Variants in DCAF8L2 observed in about 807,000 individuals in gnomAD.
The protein encoded by DCAF8L2 is DDB1- and CUL4-associated factor 8-like protein 2.
For missense variants in DCAF8L2, 430 were observed against 490.7 expected (o/e 0.88, Z 1.17); for synonymous variants, 200 against 190.9 (o/e 1.05, Z -0.39).
At chrX:27,496,222 A>G in the DCAF8L2 span, among the ~76,000 whole-genome samples, 1 of 112,121 alleles carries the variant, frequency 8.9e-6, no homozygotes, top group African/African-American at 3.2e-5. Flanking sequence ...GTTATTATAT[A>G]GAAATGCAAT....
At chrX:27,723,586 T>C (rs1043459492) in intron 4 of DCAF8L2, among the ~76,000 whole-genome samples, 1 of 111,572 alleles carries the variant, frequency 9.0e-6, no homozygotes, top group Non-Finnish European at 1.9e-5. Context: ...GTTGAGACTA[T>C]GGGAAAACAG....
chrX:27,606,211 T>C (rs1421736533), intron 1 of DCAF8L2, among the ~76,000 whole-genome samples: 1 of 85,677 alleles, frequency 1.2e-5, no homozygotes, highest in East Asian at 3.4e-4. Context: ...CTGTACATTG[T>C]TTTTAATTCC....
At chrX:27,544,802 T>C in the DCAF8L2 span, among the ~76,000 whole-genome samples, 5 of 111,348 alleles carry the variant, frequency 4.5e-5, no homozygotes, top group Non-Finnish European at 7.5e-5. Flanking sequence ...TGAAACTGAG[T>C]ATTTATTAGG....
the DCAF8L2 span, among the ~76,000 whole-genome samples, chrX:27,548,673 C>A: frequency 8.9e-6 from 1 of 111,764 alleles, no homozygotes; most frequent in African/African-American, 3.3e-5. Context: ...CAAAGGTCAA[C>A]ATACAGATAT....
intron 4 of DCAF8L2, among the ~76,000 whole-genome samples, chrX:27,738,119 C>T (rs889631795): frequency 9.0e-6 from 1 of 111,580 alleles, no homozygotes; most frequent in Admixed American, 9.6e-5. Flanking sequence ...AGAGTAGTTA[C>T]GGTAATGTCC....
At chrX:27,530,243 G>C in the DCAF8L2 span, among the ~76,000 whole-genome samples, 1 of 110,097 alleles carries the variant, frequency 9.1e-6, no homozygotes, top group Admixed American at 9.8e-5. Flanking sequence ...AGCAGAACTG[G>C]AGTTCAACAA....
intron 1 of DCAF8L2, among the ~76,000 whole-genome samples, chrX:27,611,329 C>T (rs971342257): frequency 1.9e-5 from 2 of 105,034 alleles, no homozygotes; most frequent in East Asian, 3.0e-4. Flanking sequence ...GAAGAAAGTG[C>T]GAAGCCTGGC....
At chrX:27,493,453 A>G in the DCAF8L2 span, among the ~76,000 whole-genome samples, 16 of 110,894 alleles carry the variant, frequency 1.4e-4, no homozygotes, top group South Asian at 7.7e-4. Context: ...GCTCATGCCC[A>G]TAATCCCAGC....
intron 1 of DCAF8L2, among the ~76,000 whole-genome samples, chrX:27,592,331 G>T (rs1485753371): frequency 8.9e-6 from 1 of 112,230 alleles, no homozygotes; most frequent in Non-Finnish European, 1.9e-5. Context: ...TGGAGCCGGG[G>T]CACGTTCCTG....
the DCAF8L2 span, among the ~76,000 whole-genome samples, chrX:27,489,208 C>T: frequency 8.9e-6 from 1 of 111,848 alleles, no homozygotes; most frequent in Non-Finnish European, 1.9e-5. Context: ...CCCCATTCTC[C>T]TGCCTCAGCC....
intron 3 of DCAF8L2, among the ~76,000 whole-genome samples, chrX:27,684,702 A>C (rs1033763293): frequency 1.8e-5 from 2 of 111,761 alleles, no homozygotes; most frequent in Admixed American, 9.5e-5. Context: ...GCTTAATATA[A>C]TGTTCTACAT....
At chrX:27,589,765 T>C (rs904279069), upstream of DCAF8L2, among the ~76,000 whole-genome samples, 1 of 112,306 alleles carries the variant, frequency 8.9e-6, no homozygotes, top group African/African-American at 3.2e-5. Context: ...ATGTCATATA[T>C]TAAAAGAATA....
At chrX:27,533,202 GAA>G in the DCAF8L2 span, among the ~76,000 whole-genome samples, 43 of 41,153 alleles carry the variant, frequency 1.0e-3, no homozygotes, top group South Asian at 5.1e-3. Flanking sequence ...AAGAAAGAAA[GAA>G]AGAAAGAAAG....
At chrX:27,730,124 A>G (rs1027167709) in intron 4 of DCAF8L2, among the ~76,000 whole-genome samples, 2 of 112,165 alleles carry the variant, frequency 1.8e-5, no homozygotes, top group African/African-American at 6.5e-5. Context: ...CACCCTTCCC[A>G]TGACACCTGC....
chrX:27,689,647 G>A (rs774990080), intron 3 of DCAF8L2, among the ~76,000 whole-genome samples: 11 of 112,747 alleles, frequency 9.8e-5, no homozygotes, highest in Admixed American at 1.9e-4. Context: ...CCAATGGAAT[G>A]CCATGTAGCC....
chrX:27,528,815 A>G, the DCAF8L2 span, among the ~76,000 whole-genome samples: 3 of 111,201 alleles, frequency 2.7e-5, no homozygotes, highest in Admixed American at 9.7e-5. Flanking sequence ...GTATAATACT[A>G]TGCAGGATTG....
In DCAF8L2 at chrX:27,682,926, T is replaced by A. The variant is rs141537032; in HGVS notation, c.-143+5014T>A. 3.3e-3 allele frequency among the ~76,000 whole-genome samples: 361 copies of A among 110,797 alleles called. 1 individual carries two copies. The highest frequency in any genetic ancestry group is 0.011 in the African/African-American group (349 of 30,569). ...CTCCATTTGAATAATCCTTTAAAAC[T>A]TTAGTCCTCACAAACAAGCAGTAGC... On this transcript the variant is annotated intron_variant, in intron 3 of 4. Transcript: ENST00000451261.
intron 3 of DCAF8L2, among the ~76,000 whole-genome samples, chrX:27,702,351 T>C (rs2147269201): frequency 9.2e-6 from 1 of 109,242 alleles, no homozygotes; most frequent in Non-Finnish European, 1.9e-5. Flanking sequence ...TCCCAAATCA[T>C]TCTTTGAGTC....
At chrX:27,492,157 A>G in the DCAF8L2 span, among the ~76,000 whole-genome samples, 14 of 112,370 alleles carry the variant, frequency 1.2e-4, no homozygotes, top group East Asian at 8.5e-4. Flanking sequence ...ACAGAGCTAT[A>G]CAATGTATGA....
Sources: gnomAD v4.1 joint callset for allele counts (sites outside exome capture counted in the v4.1 genomes callset) on GRCh38, gnomAD v4.1.1 for gene constraint, MANE v1.5 for transcripts, NCBI Gene and HGNC (gene_info 2026-07-23, HGNC 2026-07-21) for gene names.